Variants in CRPPA observed in about 807,000 individuals in gnomAD.
CRPPA encodes the protein D-ribitol-5-phosphate cytidylyltransferase.
CRPPA carries 43 observed loss-of-function variants against 52.0 expected under a neutral mutation model. The observed-to-expected ratio is 0.83, with a 90% confidence interval of 0.65 to 1.07. CRPPA has a LOEUF of 1.07. Among genes scored for constraint, CRPPA ranks in the 50% least tolerant of loss-of-function variants. The pLI, the probability that CRPPA is intolerant of heterozygous loss-of-function variation, is 0.00. For synonymous variants in CRPPA, 250 were observed against 203.5 expected (o/e 1.23, Z -1.94); for missense variants, 629 against 551.7 (o/e 1.14, Z -1.40).
chr7:16,151,151 T>C (rs1054169368), intron 9 of CRPPA, among the ~76,000 whole-genome samples: 6 of 152,180 alleles, frequency 3.9e-5, no homozygotes, highest in South Asian at 4.1e-4. Context: ...AATGAGACAA[T>C]GTAGATGAGA....
At position 16,338,815 on chromosome 7, in the gene CRPPA, T is replaced by A. The variant is rs891560500; in HGVS notation, c.685-30188A>T. Among the ~76,000 whole-genome samples, 63 of 9,668 alleles carry A rather than the reference T, an allele frequency of 6.5e-3. No homozygotes were observed. The Middle Eastern group carries it at 0.12, about 18-fold the overall frequency. The allele number at this position is 9,668 out of a possible 152,430, so 6.3% of individuals were successfully genotyped here. ...GGTTCATCGTGAATTCTAGCAAACT[T>A]TTTTTTTTTTTTTTTTTTGAGACAG... On this transcript the variant is annotated intron_variant, in intron 3 of 9. Transcript: ENST00000407010.
At chr7:16,387,061 A>ACG (rs1417266104) in intron 2 of CRPPA, among the ~76,000 whole-genome samples, 3 of 93,508 alleles carry the variant, frequency 3.2e-5, no homozygotes, top group African/African-American at 1.4e-4. Flanking sequence ...ATATATATAT[A>ACG]TATATATATA....
At chr7:16,409,776 TTA>T (rs1267156027) in intron 1 of CRPPA, among the ~76,000 whole-genome samples, 2 of 152,244 alleles carry the variant, frequency 1.3e-5, no homozygotes, top group African/African-American at 4.8e-5. Flanking sequence ...TACTACCATC[TTA>T]TTCTAAAAAT....
At chr7:16,345,518 G>C (rs531931367) in intron 3 of CRPPA, among the ~76,000 whole-genome samples, 6 of 152,122 alleles carry the variant, frequency 3.9e-5, no homozygotes, top group Non-Finnish European at 7.4e-5. Context: ...CAACTATAGA[G>C]AGCAATAATA....
chr7:16,382,413 C>A (rs1160625246), intron 2 of CRPPA, among the ~76,000 whole-genome samples: 4 of 152,214 alleles, frequency 2.6e-5, no homozygotes, highest in Non-Finnish European at 5.9e-5. Flanking sequence ...TTCTCTCTGG[C>A]TGCCCTTAAC....
At chr7:16,346,080 T>C (rs1786007834) in intron 3 of CRPPA, among the ~76,000 whole-genome samples, 1 of 152,172 alleles carries the variant, frequency 6.6e-6, no homozygotes, top group South Asian at 2.1e-4. Flanking sequence ...TATAAAACTG[T>C]TTTCATAATT....
At chr7:16,241,973 G>GGGGGGT (rs1783125781) in intron 8 of CRPPA, among the ~76,000 whole-genome samples, 2 of 106,578 alleles carry the variant, frequency 1.9e-5, no homozygotes, top group Admixed American at 1.1e-4. Context: ...TTTTTTGTTG[G>GGGGGGT]GGGGAGATAG....
At chr7:16,377,532 C>T (rs990992834) in intron 2 of CRPPA, among the ~76,000 whole-genome samples, 6 of 152,202 alleles carry the variant, frequency 3.9e-5, no homozygotes, top group African/African-American at 9.6e-5. Flanking sequence ...CTGCAGACTC[C>T]GTCCTCATTG....
intron 5 of CRPPA, among the ~76,000 whole-genome samples, chr7:16,297,764 T>C (rs1463012163): frequency 6.6e-6 from 1 of 152,328 alleles, no homozygotes; most frequent in East Asian, 1.9e-4. Flanking sequence ...CATCTTAAAT[T>C]TCACCTTGTG....
At chr7:16,406,470 A>T (rs769880824) in intron 1 of CRPPA, 133 bp from the exon 2 acceptor site, 3 of 726,018 alleles carry the variant, frequency 4.1e-6, no homozygotes, top group Non-Finnish European at 6.7e-6. Flanking sequence ...AAACAGTTTT[A>T]TGCATTCTCG....
intron 9 of CRPPA, among the ~76,000 whole-genome samples, chr7:16,179,274 A>G (rs1199646400): frequency 2.0e-5 from 3 of 152,150 alleles, no homozygotes; most frequent in Non-Finnish European, 4.4e-5. Flanking sequence ...CATTTTTAAA[A>G]AGTAGTTCAA....
intron 9 of CRPPA, among the ~76,000 whole-genome samples, chr7:16,167,785 C>T (rs1781098216): frequency 6.6e-6 from 1 of 152,146 alleles, no homozygotes; most frequent in Non-Finnish European, 1.5e-5. Context: ...TATTTCTTTC[C>T]CATCTATTTA....
At chr7:16,257,258 G>A (rs1478359012) in intron 8 of CRPPA, among the ~76,000 whole-genome samples, 1 of 152,032 alleles carries the variant, frequency 6.6e-6, no homozygotes, top group African/African-American at 2.4e-5. Context: ...CCATATCTGG[G>A]AACACGGAAA....
At chr7:16,399,711 G>C (rs553719114) in intron 2 of CRPPA, among the ~76,000 whole-genome samples, 1 of 151,294 alleles carries the variant, frequency 6.6e-6, no homozygotes, top group Non-Finnish European at 1.5e-5. Flanking sequence ...TGACCAACAT[G>C]ACTGACATGA....
At chr7:16,300,327 T>TCAGTA (rs1255070739) in intron 5 of CRPPA, among the ~76,000 whole-genome samples, 3 of 152,184 alleles carry the variant, frequency 2.0e-5, no homozygotes, top group South Asian at 2.1e-4. Flanking sequence ...GAATGCAGGT[T>TCAGTA]CAGTACATTT....
intron 2 of CRPPA, among the ~76,000 whole-genome samples, chr7:16,400,631 G>A (rs546901625): frequency 3.3e-5 from 5 of 152,238 alleles, no homozygotes; most frequent in Non-Finnish European, 5.9e-5. Flanking sequence ...TGATGTGATC[G>A]AGTCATTTTT....
intron 3 of CRPPA, among the ~76,000 whole-genome samples, chr7:16,327,815 G>C (rs1226816025): frequency 6.6e-6 from 1 of 152,030 alleles, no homozygotes; most frequent in Non-Finnish European, 1.5e-5. Flanking sequence ...CCTTGCTTTA[G>C]TAATAAAGGG....
At chr7:16,251,432 C>T (rs1198787010) in intron 8 of CRPPA, among the ~76,000 whole-genome samples, 1 of 152,166 alleles carries the variant, frequency 6.6e-6, no homozygotes, top group East Asian at 1.9e-4. Context: ...ACCTTCCTCT[C>T]AGCACCACAT....
chr7:16,247,151 G>A (rs1013543261), intron 8 of CRPPA, among the ~76,000 whole-genome samples: 1 of 152,218 alleles, frequency 6.6e-6, no homozygotes, highest in African/African-American at 2.4e-5. Flanking sequence ...TTTCTGTTAT[G>A]AAGACAATTC....
Sources: allele counts gnomAD v4.1 joint callset (sites outside exome capture counted in the v4.1 genomes callset), GRCh38; gene constraint gnomAD v4.1.1; transcripts MANE v1.5; gene names NCBI Gene and HGNC (gene_info 2026-07-23, HGNC 2026-07-21).